The following NUP210L variants were observed in gnomAD, a reference collection of about 807,000 sequenced individuals.
The protein encoded by NUP210L is nucleoporin 210 like, also known as nuclear pore membrane glycoprotein 210-like.
In NUP210L, 74 loss-of-function variants were observed where a neutral mutation model predicts 208.5. The observed-to-expected ratio is 0.35, with a 90% CI of 0.29 to 0.43. NUP210L has a LOEUF of 0.43. Among genes scored for constraint, NUP210L ranks in the 20% least tolerant of loss-of-function variants. NUP210L has a pLI of 1.00. For synonymous variants in NUP210L, 780 were observed against 816.9 expected (o/e 0.95, Z 0.77); for missense variants, 1,843 against 2,289.4 (o/e 0.81, Z 3.98).
At chr1:154,029,072 G>C (rs939640911) in intron 28 of NUP210L, among the ~76,000 whole-genome samples, 1 of 150,136 alleles carries the variant, frequency 6.7e-6, no homozygotes, top group African/African-American at 2.5e-5. Context: ...GACAGAGTGA[G>C]ACTCTGTCTC....
At position 154,124,050 on chromosome 1, in the gene NUP210L, G is replaced by T. The variant is rs919142402; in HGVS notation, c.1326+2273C>A. ...AAAATTACAAAAATTAGCCGGGCGT[G>T]GTGGCACACGCCTGTAGTCCTAGCT... On this transcript the variant is annotated intron_variant, in intron 10 of 39. Transcript: ENST00000368559. Among the ~76,000 whole-genome samples, 4 of 150,394 alleles carry T rather than the reference G, an allele frequency of 2.7e-5. No individual in the cohort carries two copies. In the South Asian group the frequency reaches 8.4e-4, roughly 32 times the overall value.
chr1:154,130,248 A>C (rs531521501), intron 7 of NUP210L, among the ~76,000 whole-genome samples: 19 of 152,160 alleles, frequency 1.2e-4, no homozygotes, highest in Admixed American at 1.0e-3. Context: ...CTGAGGCAGA[A>C]GAATTGCTTG....
At chr1:154,023,369 T>G in intron 30 of NUP210L, 72 bp from the exon 31 acceptor site, 1 of 1,179,878 alleles carries the variant, frequency 8.5e-7, no homozygotes, top group Non-Finnish European at 1.2e-6. Flanking sequence ...TTCTGAGACT[T>G]ATAATCAATG....
chr1:153,996,241 G>A lies in NUP210L; in HGVS notation c.5387-1061C>T, dbSNP rs568445396. ...CGGGAGGCGGAGCTAGCAGTGAACC[G>A]AGATCTCTCCACTGCACTCCAGCCT... is the stretch of plus-strand genomic sequence containing the variant. On this transcript the variant is annotated intron_variant, in intron 37 of 39. Transcript: ENST00000368559. Among the ~76,000 whole-genome samples, 69 of 152,088 alleles carry A rather than the reference G, an allele frequency of 4.5e-4. 1 individual carries two copies. The highest frequency in any genetic ancestry group is 7.6e-4 in the Non-Finnish European group (52 of 67,978).
chr1:154,154,080 A>G (rs1397401476), intron 1 of NUP210L, among the ~76,000 whole-genome samples: 1 of 152,180 alleles, frequency 6.6e-6, no homozygotes, highest in Non-Finnish European at 1.5e-5. Flanking sequence ...ATCTTCAGTC[A>G]GGAAGTCATT....
chr1:154,125,539 T>C (rs557248915), intron 10 of NUP210L, among the ~76,000 whole-genome samples: 7 of 149,560 alleles, frequency 4.7e-5, no homozygotes, highest in African/African-American at 9.8e-5. Context: ...GGAGGATTGC[T>C]TGAGCCTGGG....
intron 35 of NUP210L, among the ~76,000 whole-genome samples, chr1:154,005,933 G>C (rs762858494): frequency 6.6e-6 from 1 of 151,866 alleles, no homozygotes; most frequent in South Asian, 2.1e-4. Flanking sequence ...CATTGGTAAG[G>C]CTGGTCTCGA....
intron 16 of NUP210L, among the ~76,000 whole-genome samples, chr1:154,088,629 A>G (rs1389398121): frequency 6.6e-6 from 1 of 152,224 alleles, no homozygotes; most frequent in African/African-American, 2.4e-5. Flanking sequence ...GTAACATCCC[A>G]TACTGTTGTT....
chr1:154,129,370 T>C, intron 7 of NUP210L, 25 bp from the exon 8 acceptor site: 3 of 1,511,012 alleles, frequency 2.0e-6, no homozygotes, highest in Non-Finnish European at 1.8e-6. Context: ...AAGGAAATCA[T>C]GTGAGCCAGA....
chr1:154,132,693 G>A (rs1184832240), intron 7 of NUP210L, among the ~76,000 whole-genome samples: 3 of 152,208 alleles, frequency 2.0e-5, no homozygotes, highest in East Asian at 1.9e-4. Context: ...GGGAATTCAG[G>A]GAAGTTCCTG....
intron 8 of NUP210L, among the ~76,000 whole-genome samples, chr1:154,128,961 T>G (rs1037553827): frequency 3.3e-5 from 5 of 152,246 alleles, no homozygotes; most frequent in Non-Finnish European, 7.3e-5. Context: ...ATATTTCAGC[T>G]TCTTTCAGTC....
At chr1:154,052,388 C>T (rs1231414272) in intron 25 of NUP210L, among the ~76,000 whole-genome samples, 1 of 152,056 alleles carries the variant, frequency 6.6e-6, no homozygotes, top group African/African-American at 2.4e-5. Context: ...CTGAGGAGGA[C>T]CCCAACTGTC....
chr1:154,042,973 A>G (rs974637834), intron 27 of NUP210L, among the ~76,000 whole-genome samples: 1 of 146,764 alleles, frequency 6.8e-6, no homozygotes, highest in African/African-American at 2.5e-5. Flanking sequence ...TGGCCTCCCA[A>G]ATTGCTGGAA....
chr1:154,106,997 A>G (rs557597211), intron 12 of NUP210L, among the ~76,000 whole-genome samples: 2 of 152,294 alleles, frequency 1.3e-5, no homozygotes, highest in South Asian at 2.1e-4. Context: ...GATCAAGACC[A>G]TACAGGAAAA....
At chr1:154,133,373 G>A (rs1307854562) in intron 7 of NUP210L, among the ~76,000 whole-genome samples, 1 of 151,626 alleles carries the variant, frequency 6.6e-6, no homozygotes, top group African/African-American at 2.4e-5. Flanking sequence ...ACTCAGCCTA[G>A]CAAGACATCT....
intron 2 of NUP210L, among the ~76,000 whole-genome samples, chr1:154,144,051 G>A (rs1258852218): frequency 3.3e-5 from 5 of 152,100 alleles, no homozygotes; most frequent in South Asian, 2.1e-4. Context: ...GAGTGGTGGC[G>A]GGCACCTGTA....
chr1:154,018,722 C>A (rs1348639261), intron 33 of NUP210L, among the ~76,000 whole-genome samples: 3 of 152,148 alleles, frequency 2.0e-5, no homozygotes, highest in African/African-American at 7.2e-5. Context: ...CCAACCAGTA[C>A]CCACTGTGAT....
intron 28 of NUP210L, among the ~76,000 whole-genome samples, chr1:154,028,628 T>C (rs550610732): frequency 1.1e-4 from 17 of 152,212 alleles, no homozygotes; most frequent in Middle Eastern, 6.8e-3. Context: ...AATGGACTTA[T>C]AATATCTATG....
intron 16 of NUP210L, among the ~76,000 whole-genome samples, chr1:154,085,316 C>G (rs1010746884): frequency 6.6e-6 from 1 of 150,554 alleles, no homozygotes; most frequent in Non-Finnish European, 1.5e-5. Flanking sequence ...TACCACTGCA[C>G]TCCAGCCTCA....
Sources: gnomAD v4.1 joint callset for allele counts (sites outside exome capture counted in the v4.1 genomes callset) on GRCh38, gnomAD v4.1.1 for gene constraint, MANE v1.5 for transcripts, NCBI Gene and HGNC (gene_info 2026-07-23, HGNC 2026-07-21) for gene names.